ADGRL2: variants seen among roughly 807,000 people sequenced by gnomAD.
ADGRL2 encodes the protein adhesion G protein-coupled receptor L2.
Under a neutral mutation model 157.4 loss-of-function variants are expected in ADGRL2, and 44 were observed. That is an observed-to-expected ratio of 0.28 (90% CI 0.22 to 0.36). The LOEUF (loss-of-function observed/expected upper bound fraction) is 0.36, where lower values mean the gene tolerates loss of function less well. Among genes scored for constraint, ADGRL2 ranks in the 10% least tolerant of loss-of-function variants. The pLI, the probability that ADGRL2 is intolerant of heterozygous loss-of-function variation, is 1.00. For missense variants in ADGRL2, 1,510 were observed against 1,768.9 expected (o/e 0.85, Z 2.63); for synonymous variants, 585 against 624.7 (o/e 0.94, Z 0.95).
At chr1:81,877,194 A>G (rs1024506617) in intron 2 of ADGRL2, among the ~76,000 whole-genome samples, 1 of 152,126 alleles carries the variant, frequency 6.6e-6, no homozygotes, top group Non-Finnish European at 1.5e-5. Flanking sequence ...AATTAAGAGT[A>G]TTTGCCTTCA....
At chr1:81,645,165 C>T (rs1247275126) in intron 3 of ADGRL2, among the ~76,000 whole-genome samples, 1 of 151,920 alleles carries the variant, frequency 6.6e-6, no homozygotes, top group Non-Finnish European at 1.5e-5. Context: ...CAAGGCAGGA[C>T]TATTGCTTGA....
chr1:81,612,077 C>T (rs1350486339), intron 3 of ADGRL2, among the ~76,000 whole-genome samples: 3 of 152,166 alleles, frequency 2.0e-5, no homozygotes, highest in Non-Finnish European at 1.5e-5. Context: ...TTATAAATTA[C>T]CCAGTCTCAA....
intron 1 of ADGRL2, among the ~76,000 whole-genome samples, chr1:81,373,597 A>G (rs1241037840): frequency 5.3e-5 from 8 of 152,244 alleles, no homozygotes; most frequent in Admixed American, 1.3e-4. Flanking sequence ...ATCTAGGACC[A>G]CAAAACAGCC....
intron 2 of ADGRL2, among the ~76,000 whole-genome samples, chr1:81,867,718 T>G (rs1159093047): frequency 6.6e-6 from 1 of 152,170 alleles, no homozygotes. Context: ...AAATACTTCA[T>G]TGCAAAGTCA....
chr1:81,448,804 T>C (rs780761827), intron 2 of ADGRL2, among the ~76,000 whole-genome samples: 1 of 152,204 alleles, frequency 6.6e-6, no homozygotes, highest in Non-Finnish European at 1.5e-5. Flanking sequence ...GTTTAACTTT[T>C]AGTCTTACCC....
chr1:81,541,778 C>T (rs868637583), intron 2 of ADGRL2, among the ~76,000 whole-genome samples: 2 of 140,718 alleles, frequency 1.4e-5, no homozygotes, highest in African/African-American at 5.4e-5. Context: ...GGAGAAACCC[C>T]GTCTCTACTA....
At chr1:81,515,747 T>C (rs2079163902) in intron 2 of ADGRL2, among the ~76,000 whole-genome samples, 1 of 152,328 alleles carries the variant, frequency 6.6e-6, no homozygotes, top group South Asian at 2.1e-4. Context: ...GTCCCTTCAT[T>C]GTATTTTATA....
chr1:81,425,433 G>A (rs141916265), intron 1 of ADGRL2, among the ~76,000 whole-genome samples: 59 of 152,066 alleles, frequency 3.9e-4, no homozygotes, highest in South Asian at 3.5e-3. Context: ...TGTGTTAAAC[G>A]TGCATTAGGT....
intron 1 of ADGRL2, among the ~76,000 whole-genome samples, chr1:81,814,205 A>T (rs1011421838): frequency 2.6e-5 from 4 of 151,736 alleles, no homozygotes; most frequent in Admixed American, 6.6e-5. Flanking sequence ...TTAATAATAA[A>T]AAAATACGAA....
intron 3 of ADGRL2, among the ~76,000 whole-genome samples, chr1:81,683,638 C>G (rs928949778): frequency 6.6e-6 from 1 of 151,780 alleles, no homozygotes; most frequent in African/African-American, 2.4e-5. Flanking sequence ...CCTTTTATGG[C>G]TGCGTAGTAT....
intron 3 of ADGRL2, among the ~76,000 whole-genome samples, chr1:81,633,727 C>T (rs1345216071): frequency 6.6e-6 from 1 of 151,890 alleles, no homozygotes; most frequent in Non-Finnish European, 1.5e-5. Flanking sequence ...TCTTAGATTC[C>T]TCTCTCATCC....
At chr1:81,379,565 A>T (rs2076308883) in intron 1 of ADGRL2, among the ~76,000 whole-genome samples, 1 of 152,040 alleles carries the variant, frequency 6.6e-6, no homozygotes, top group South Asian at 2.1e-4. Context: ...CAAAAGGGAG[A>T]TGGTTTTCCC....
At chr1:81,657,859 G>A (rs2082568276) in intron 3 of ADGRL2, among the ~76,000 whole-genome samples, 1 of 152,042 alleles carries the variant, frequency 6.6e-6, no homozygotes, top group African/African-American at 2.4e-5. Context: ...TACATCTTTT[G>A]TAATCCTATT....
rs143375205 is a variant in ADGRL2 at position 81,440,413 on chromosome 1, C to T, written c.-301-4623C>T. On this transcript the variant is annotated intron_variant, in intron 1 of 24. Coordinates refer to the ADGRL2 transcript ENST00000370721. ...TAGGAATCAGTACTTAAAGGTTGGA[C>T]ATTATTCCTACTCACCTTAACTCTG... is the stretch of plus-strand genomic sequence containing the variant. Among the ~76,000 whole-genome samples the T allele has an allele frequency of 6.1e-3, 935 of 152,266 alleles. 8 individuals carry two copies. The highest frequency in any genetic ancestry group is 0.016 in the Admixed American group (239 of 15,298).
At chr1:81,813,161 A>G (rs956635062) in intron 1 of ADGRL2, among the ~76,000 whole-genome samples, 17 of 151,756 alleles carry the variant, frequency 1.1e-4, no homozygotes, top group Non-Finnish European at 2.1e-4. Flanking sequence ...TAAAAAATCA[A>G]TTCCAGTCTT....
At position 81,405,501 on chromosome 1, in the gene ADGRL2, A is replaced by G. The variant is rs993321413; in HGVS notation, c.-301-39535A>G. ...CCGGTCTCCATGAATAATTTTAAAA[A>G]TTAGCCATGGGGGTGTTGCCCACCT... On this transcript the variant is annotated intron_variant, in intron 1 of 24. Coordinates refer to the ADGRL2 transcript ENST00000370721. 3.3e-5 allele frequency among the ~76,000 whole-genome samples: 5 copies of G among 152,014 alleles called. No individual in the cohort carries two copies. The East Asian group carries it at 9.7e-4, about 29-fold the overall frequency.
At chr1:81,633,893 G>A (rs1227008670) in intron 3 of ADGRL2, among the ~76,000 whole-genome samples, 1 of 152,176 alleles carries the variant, frequency 6.6e-6, no homozygotes, top group East Asian at 1.9e-4. Context: ...GATGAAGGCG[G>A]TAGTAACATA....
At chr1:81,635,100 A>C (rs1318744634) in intron 3 of ADGRL2, among the ~76,000 whole-genome samples, 2 of 152,154 alleles carry the variant, frequency 1.3e-5, no homozygotes, top group Non-Finnish European at 2.9e-5. Context: ...TGGTAGGATG[A>C]TCCGGAGTTA....
chr1:81,377,986 C>G lies in ADGRL2; in HGVS notation c.-301-67050C>G, dbSNP rs1171619159. 2.0e-5 allele frequency among the ~76,000 whole-genome samples: 3 copies of G among 152,214 alleles called. No individual in the cohort carries two copies. The East Asian group carries it at 5.8e-4, about 30-fold the overall frequency. On this transcript the variant is annotated intron_variant, in intron 1 of 24. Coordinates refer to the ADGRL2 transcript ENST00000370721. The stretch of plus-strand genomic sequence containing the variant: ...ACGAGGTCAAGAGATCGAGATCATC[C>G]TGGACAACATGGTGAAACACTCTCT...
Sources: allele counts gnomAD v4.1 joint callset (sites outside exome capture counted in the v4.1 genomes callset), GRCh38; gene constraint gnomAD v4.1.1; transcripts MANE v1.5; gene names NCBI Gene and HGNC (gene_info 2026-07-23, HGNC 2026-07-21).